PTPRN2: variants seen among roughly 807,000 people sequenced by gnomAD.
The protein encoded by PTPRN2 is receptor-type tyrosine-protein phosphatase N2.
A neutral mutation model predicts 118.8 loss-of-function variants in PTPRN2; 74 were observed. The ratio of observed to expected loss-of-function variants is 0.62; its 90% confidence interval spans 0.52 to 0.76. The LOEUF (loss-of-function observed/expected upper bound fraction) is 0.76, where lower values mean the gene tolerates loss of function less well. Among genes scored for constraint, PTPRN2 ranks in the 30% least tolerant of loss-of-function variants. PTPRN2 has a pLI of 0.00. For missense variants in PTPRN2, 1,481 were observed against 1,394.4 expected (o/e 1.06, Z -0.99); for synonymous variants, 641 against 608.0 (o/e 1.05, Z -0.80).
intron 3 of PTPRN2, among the ~76,000 whole-genome samples, chr7:158,302,880 G>C (rs546355539): frequency 6.6e-6 from 1 of 152,180 alleles, no homozygotes; most frequent in Non-Finnish European, 1.5e-5. Context: ...GAACAGTCCA[G>C]AGGCTATGTG....
chr7:158,413,799 A>G (rs1325311224), intron 2 of PTPRN2, among the ~76,000 whole-genome samples: 1 of 152,228 alleles, frequency 6.6e-6, no homozygotes, highest in Non-Finnish European at 1.5e-5. Context: ...GTCCAGGCCC[A>G]GCGGTCCTGA....
chr7:157,757,631 C>G (rs766618161), intron 12 of PTPRN2, among the ~76,000 whole-genome samples: 1 of 151,062 alleles, frequency 6.6e-6, no homozygotes, highest in Admixed American at 6.6e-5. Context: ...GCGTCTTTCA[C>G]CTGTTGTTCG....
At chr7:158,369,290 C>CAT (rs77667953) in intron 2 of PTPRN2, among the ~76,000 whole-genome samples, 133 of 41,080 alleles carry the variant, frequency 3.2e-3, no homozygotes, top group African/African-American at 0.014. Context: ...CACACACACA[C>CAT]ATATATATAC....
At chr7:157,919,646 A>G (rs912921791) in intron 11 of PTPRN2, among the ~76,000 whole-genome samples, 3 of 152,254 alleles carry the variant, frequency 2.0e-5, no homozygotes, top group Non-Finnish European at 2.9e-5. Flanking sequence ...GTAATCAAGA[A>G]AAGTAAAACA....
chr7:157,930,682 G>C (rs1799303923), intron 11 of PTPRN2, among the ~76,000 whole-genome samples: 1 of 152,324 alleles, frequency 6.6e-6, no homozygotes, highest in East Asian at 1.9e-4. Context: ...GAGCCTCCTT[G>C]GGCAAAGCTG....
intron 1 of PTPRN2, among the ~76,000 whole-genome samples, chr7:158,575,534 T>G (rs1346829564): frequency 1.3e-5 from 2 of 152,156 alleles, no homozygotes; most frequent in African/African-American, 4.8e-5. Flanking sequence ...CCAGCTAATT[T>G]TTTACATTTT....
chr7:157,836,933 ATCCACTCACCACCACCTG>A (rs1400722853), intron 12 of PTPRN2, among the ~76,000 whole-genome samples: 6 of 148,070 alleles, frequency 4.1e-5, no homozygotes, highest in Middle Eastern at 3.7e-3. Context: ...ACCACCACCT[ATCCACTCACCACCACCTG>A]TCCACTCACC....
At chr7:158,448,899 G>A (rs1817911303) in intron 2 of PTPRN2, among the ~76,000 whole-genome samples, 1 of 152,198 alleles carries the variant, frequency 6.6e-6, no homozygotes, top group Admixed American at 6.5e-5. Flanking sequence ...CATATCTGTG[G>A]GGATGAGGGG....
intron 9 of PTPRN2, among the ~76,000 whole-genome samples, chr7:158,113,205 C>A (rs1464049022): frequency 6.6e-6 from 1 of 152,088 alleles, no homozygotes; most frequent in African/African-American, 2.4e-5. Flanking sequence ...TGAGGCCGAG[C>A]TTAGCGGGTC....
At chr7:158,531,755 G>A (rs904255420) in intron 1 of PTPRN2, among the ~76,000 whole-genome samples, 1 of 152,180 alleles carries the variant, frequency 6.6e-6, no homozygotes, top group Admixed American at 6.5e-5. Flanking sequence ...CCAAACACCA[G>A]GCTCGACGCC....
intron 2 of PTPRN2, among the ~76,000 whole-genome samples, chr7:158,409,245 C>T (rs918367031): frequency 6.6e-6 from 1 of 152,220 alleles, no homozygotes; most frequent in Non-Finnish European, 1.5e-5. Flanking sequence ...GTGGGGCCCA[C>T]GCTGACCTCT....
At chr7:157,710,491 G>A (rs1481420337) in intron 12 of PTPRN2, among the ~76,000 whole-genome samples, 3 of 49,640 alleles carry the variant, frequency 6.0e-5, no homozygotes, top group South Asian at 7.8e-4. Flanking sequence ...CCACCCCCCC[G>A]CCCCGTGGCA....
chr7:157,742,734 C>T (rs1303321663), intron 12 of PTPRN2, among the ~76,000 whole-genome samples: 2 of 152,206 alleles, frequency 1.3e-5, no homozygotes, highest in Non-Finnish European at 2.9e-5. Flanking sequence ...GAACTCCTCA[C>T]ATAACCCCTT....
chr7:158,416,537 G>C (rs926642382), intron 2 of PTPRN2, among the ~76,000 whole-genome samples: 1 of 152,230 alleles, frequency 6.6e-6, no homozygotes, highest in Admixed American at 6.5e-5. Flanking sequence ...ATGGAGCTGT[G>C]TGGCCACATC....
At chr7:157,846,200 C>T (rs900548924) in intron 12 of PTPRN2, among the ~76,000 whole-genome samples, 1 of 152,050 alleles carries the variant, frequency 6.6e-6, no homozygotes, top group African/African-American at 2.4e-5. Context: ...GGAAGAAAAG[C>T]GGGGGTGGGA....
At chr7:158,250,552 G>GCA (rs954584285) in intron 3 of PTPRN2, among the ~76,000 whole-genome samples, 7 of 151,696 alleles carry the variant, frequency 4.6e-5, no homozygotes, top group Non-Finnish European at 5.9e-5. Flanking sequence ...CCATACATAT[G>GCA]CACACACACA....
chr7:157,611,794 G>A lies in PTPRN2; in HGVS notation c.2345-7719C>T, dbSNP rs7811119. On this transcript the variant is annotated intron_variant, in intron 15 of 22. Transcript: ENST00000389418. The surrounding 1 kb of genome is among the most constrained non-coding windows in gnomAD (Gnocchi z 5.9). Reference sequence around the variant, plus strand: ...AGCCGCAGTCATGCTGGGGACACGCGGAGGGAGAGCGCCCGTGTGAAGACG... The same window carrying A: ...AGCCGCAGTCATGCTGGGGACACGCAGAGGGAGAGCGCCCGTGTGAAGACG... Among the ~76,000 whole-genome samples the A allele has an allele frequency of 0.2, 27,089 of 134,782 alleles. 2,893 individuals carry two copies. Among genetic ancestry groups the A allele is most frequent in the East Asian group, 0.39 (1,651 of 4,246 alleles). 88.4% of individuals were successfully genotyped at this position (134,782 alleles called of 152,430 possible). A position where few individuals can be genotyped will look rare whatever the true frequency, so the allele number is the denominator to read the frequency against.
intron 2 of PTPRN2, among the ~76,000 whole-genome samples, chr7:158,407,333 G>C (rs866459183): frequency 1.9e-5 from 2 of 105,402 alleles, no homozygotes; most frequent in African/African-American, 3.6e-5. Context: ...CTGCGTCCTG[G>C]GTCCTGCGTC....
chr7:157,633,986 A>G (rs1234572814), intron 14 of PTPRN2, among the ~76,000 whole-genome samples: 1 of 152,180 alleles, frequency 6.6e-6, no homozygotes, highest in East Asian at 1.9e-4. Context: ...CCACCATGGA[A>G]GAGCAGGCAG....
Sources: gnomAD v4.1 joint callset for allele counts (sites outside exome capture counted in the v4.1 genomes callset) on GRCh38, gnomAD v4.1.1 for gene constraint, Gnocchi (gnomAD v3.1) non-coding constraint, MANE v1.5 for transcripts, NCBI Gene and HGNC (gene_info 2026-07-23, HGNC 2026-07-21) for gene names.